The following GNA12 variants were observed in gnomAD, a reference collection of about 807,000 sequenced individuals.
The protein encoded by GNA12 is G protein subunit alpha 12.
A neutral mutation model predicts 26.0 loss-of-function variants in GNA12; 9 were observed. That is an observed-to-expected ratio of 0.35 (90% CI 0.21 to 0.60). The LOEUF is 0.60. GNA12 is among the 20% of genes least tolerant of loss of function. The pLI, the probability that GNA12 is intolerant of heterozygous loss-of-function variation, is 0.78. For missense variants in GNA12, 405 were observed against 525.8 expected (o/e 0.77, Z 2.25); for synonymous variants, 264 against 219.6 (o/e 1.20, Z -1.79).
At chr7:2,802,896 G>A (rs954948349) in intron 1 of GNA12, among the ~76,000 whole-genome samples, 2 of 152,188 alleles carry the variant, frequency 1.3e-5, no homozygotes, top group Non-Finnish European at 2.9e-5. Flanking sequence ...GCAGTAAGCC[G>A]TCAAACCAGC....
At chr7:2,820,653 A>G (rs1285129883) in intron 1 of GNA12, among the ~76,000 whole-genome samples, 8 of 152,242 alleles carry the variant, frequency 5.3e-5, no homozygotes, top group African/African-American at 1.9e-4. Context: ...GACCTGCCCC[A>G]CCGGCCAGTC....
rs761241186 is a variant in GNA12 at position 2,805,973 on chromosome 7, C to T, written c.310-10830G>A. Among the ~76,000 whole-genome samples, 7 of 152,116 alleles carry T rather than the reference C, an allele frequency of 4.6e-5. No individual in the cohort carries two copies. In the South Asian group the frequency reaches 6.2e-4, roughly 14 times the overall value. On this transcript the variant is annotated intron_variant, in intron 1 of 3. Coordinates refer to ENST00000275364, the MANE Select transcript of GNA12 (RefSeq NM_007353.3). Reference sequence around the variant, plus strand: ...GATCACAAAGAGTACAAAAAGAACACGTAAACTTCTTTTGTTTATACTGAT... The same window carrying T: ...GATCACAAAGAGTACAAAAAGAACATGTAAACTTCTTTTGTTTATACTGAT...
At chr7:2,778,274 T>A (rs1562423215) in intron 2 of GNA12, among the ~76,000 whole-genome samples, 1 of 152,196 alleles carries the variant, frequency 6.6e-6, no homozygotes, top group Non-Finnish European at 1.5e-5. Context: ...AACGCAAAAT[T>A]CTCACAAAAC....
At chr7:2,830,761 G>A (rs1034024787) in intron 1 of GNA12, among the ~76,000 whole-genome samples, 1 of 152,114 alleles carries the variant, frequency 6.6e-6, no homozygotes, top group Non-Finnish European at 1.5e-5. Flanking sequence ...AGACATAACA[G>A]ATAAGGTGCT....
intron 2 of GNA12, among the ~76,000 whole-genome samples, chr7:2,771,697 C>T (rs903101519): frequency 5.3e-5 from 8 of 152,158 alleles, no homozygotes; most frequent in Admixed American, 2.6e-4. Flanking sequence ...CATCCATCTG[C>T]TTGTTGATGG....
intron 2 of GNA12, among the ~76,000 whole-genome samples, chr7:2,764,127 G>A (rs1170813973): frequency 1.3e-5 from 2 of 152,040 alleles, no homozygotes; most frequent in African/African-American, 4.8e-5. Flanking sequence ...TTAGGGGGCC[G>A]TGGTGCAATC....
At chr7:2,758,870 C>T (rs967634467) in intron 2 of GNA12, among the ~76,000 whole-genome samples, 4 of 152,240 alleles carry the variant, frequency 2.6e-5, no homozygotes, top group South Asian at 2.1e-4. Flanking sequence ...CTCTGCTGGG[C>T]GCGGTGGCTC....
At chr7:2,780,281 T>A (rs1792195909) in intron 2 of GNA12, among the ~76,000 whole-genome samples, 1 of 151,860 alleles carries the variant, frequency 6.6e-6, no homozygotes, top group South Asian at 2.1e-4. Flanking sequence ...TACCAGTGAA[T>A]AATTAGGTTG....
At chr7:2,743,695 C>A (rs1190412372) in intron 2 of GNA12, among the ~76,000 whole-genome samples, 3 of 152,146 alleles carry the variant, frequency 2.0e-5, no homozygotes, top group African/African-American at 7.2e-5. Flanking sequence ...GGGCGCAGCG[C>A]ACTGTGCGCG....
chr7:2,825,767 C>T (rs559865249), intron 1 of GNA12, among the ~76,000 whole-genome samples: 1 of 152,166 alleles, frequency 6.6e-6, no homozygotes, highest in Non-Finnish European at 1.5e-5. Context: ...GCCAGGGAAA[C>T]GGCTGTGGTG....
intron 2 of GNA12, among the ~76,000 whole-genome samples, chr7:2,749,397 A>C (rs1390711883): frequency 1.3e-5 from 2 of 152,114 alleles, no homozygotes; most frequent in African/African-American, 2.4e-5. Flanking sequence ...CATTGTCAGC[A>C]AACTATTGCA....
chr7:2,842,320 T>C (rs1305062040), intron 1 of GNA12, among the ~76,000 whole-genome samples: 1 of 146,848 alleles, frequency 6.8e-6, no homozygotes, highest in Non-Finnish European at 1.5e-5. Flanking sequence ...TATGGTTCTT[T>C]TATTTTTTTT....
chr7:2,790,779 GGCAA>G (rs1222364509), intron 2 of GNA12, among the ~76,000 whole-genome samples: 1 of 152,124 alleles, frequency 6.6e-6, no homozygotes, highest in African/African-American at 2.4e-5. Context: ...GACTAGCCTG[GGCAA>G]CATAGTAAGA....
chr7:2,792,199 G>T (rs747298381), intron 2 of GNA12, among the ~76,000 whole-genome samples: 1 of 152,104 alleles, frequency 6.6e-6, no homozygotes, highest in African/African-American at 2.4e-5. Context: ...ATGTAGCACC[G>T]GGTCTCACAC....
chr7:2,834,422 G>C (rs1421250184), intron 1 of GNA12, among the ~76,000 whole-genome samples: 1 of 152,238 alleles, frequency 6.6e-6, no homozygotes, highest in South Asian at 2.1e-4. Flanking sequence ...CACGCTGTAT[G>C]TTAAAGTTAC....
chr7:2,840,794 C>T (rs1562453536), intron 1 of GNA12, among the ~76,000 whole-genome samples: 2 of 152,076 alleles, frequency 1.3e-5, no homozygotes, highest in Non-Finnish European at 2.9e-5. Flanking sequence ...CGCAAGGCCA[C>T]AGTGAGCCAT....
At chr7:2,734,888 C>T (rs1286364509) in intron 2 of GNA12, among the ~76,000 whole-genome samples, 2 of 152,188 alleles carry the variant, frequency 1.3e-5, no homozygotes, top group Non-Finnish European at 2.9e-5. Context: ...GTAGGGAAGG[C>T]ATCGGGAGTG....
intron 1 of GNA12, among the ~76,000 whole-genome samples, chr7:2,797,784 T>C (rs924947495): frequency 3.3e-5 from 5 of 152,196 alleles, no homozygotes; most frequent in African/African-American, 1.2e-4. Flanking sequence ...ACCTTGTCTG[T>C]CTGCCGTTGG....
intron 1 of GNA12, among the ~76,000 whole-genome samples, chr7:2,800,899 T>C (rs1412861202): frequency 6.6e-6 from 1 of 152,108 alleles, no homozygotes; most frequent in African/African-American, 2.4e-5. Context: ...CACACCAAAC[T>C]CTTGCCTTTC....
Sources: gnomAD v4.1 joint callset for allele counts (sites outside exome capture counted in the v4.1 genomes callset) on GRCh38, gnomAD v4.1.1 for gene constraint, MANE v1.5 for transcripts, NCBI Gene and HGNC (gene_info 2026-07-23, HGNC 2026-07-21) for gene names.